Variants in COA5 observed in about 807,000 individuals in gnomAD.
The protein encoded by COA5 is protein C2orf64.
COA5 carries 11 observed loss-of-function variants against 11.8 expected under a neutral mutation model. The ratio of observed to expected loss-of-function variants is 0.93; its 90% CI spans 0.59 to 1.54. The LOEUF (loss-of-function observed/expected upper bound fraction) is 1.54, where lower values mean the gene tolerates loss of function less well. COA5 is among the 40% of genes most tolerant of loss of function. COA5 has a pLI of 0.00. For synonymous variants in COA5, 38 were observed against 37.5 expected (o/e 1.01, Z -0.05); for missense variants, 87 against 89.2 (o/e 0.97, Z 0.10).
intron 2 of COA5, among the ~76,000 whole-genome samples, chr2:98,601,995 T>C (rs893841077): frequency 6.6e-6 from 1 of 152,038 alleles, no homozygotes; most frequent in African/African-American, 2.4e-5. Context: ...CACTATTCTA[T>C]AGGAAGGAAT....
At chr2:98,605,036 T>C (rs866946235) in intron 1 of COA5, among the ~76,000 whole-genome samples, 1 of 152,230 alleles carries the variant, frequency 6.6e-6, no homozygotes, top group Non-Finnish European at 1.5e-5. Context: ...AGCTGATGCC[T>C]CTTCAAACTG....
chr2:98,607,511 T>C (rs754993533), intron 1 of COA5, among the ~76,000 whole-genome samples: 10 of 152,194 alleles, frequency 6.6e-5, no homozygotes, highest in Non-Finnish European at 1.2e-4. Flanking sequence ...TGGATGTCCA[T>C]TTGGGGGTAA....
chr2:98,604,430 T>C lies in COA5; in HGVS notation c.100-239A>G, dbSNP rs17034163. The C allele has an allele frequency of 8.0e-3, 3,967 of 497,100 alleles. 137 individuals carry two copies. The highest frequency in any genetic ancestry group is 0.068 in the African/African-American group (3,523 of 51,708). 30.8% of individuals were successfully genotyped at this position (497,100 alleles called of 1,614,324 possible). On this transcript the variant is annotated intron_variant, in intron 1 of 2. Transcript: ENST00000328709. ...AATTCTTGAAAACACTGGTTTCTAT[T>C]GGATACTTTTCCTTAAACTGTTTAT...
chr2:98,605,174 C>T (rs559107514), intron 1 of COA5, among the ~76,000 whole-genome samples: 1 of 152,334 alleles, frequency 6.6e-6, no homozygotes, highest in Admixed American at 6.5e-5. Flanking sequence ...AAATAACAGA[C>T]TGCTAGCTGT....
intron 2 of COA5, among the ~76,000 whole-genome samples, chr2:98,603,153 A>T (rs1332054089): frequency 6.6e-6 from 1 of 152,182 alleles, no homozygotes; most frequent in Non-Finnish European, 1.5e-5. Context: ...ACAAAAAGGA[A>T]GGGATTTGCA....
At chr2:98,603,479 C>CAAACAAA (rs573581244) in intron 2 of COA5, among the ~76,000 whole-genome samples, 2 of 151,262 alleles carry the variant, frequency 1.3e-5, no homozygotes, top group Admixed American at 6.6e-5. Context: ...GACTCCGTCT[C>CAAACAAA]AAACAAAAAA....
intron 2 of COA5, among the ~76,000 whole-genome samples, chr2:98,602,983 A>T (rs969703471): frequency 6.6e-6 from 1 of 152,232 alleles, no homozygotes; most frequent in Admixed American, 6.5e-5. Flanking sequence ...ACACTGAATG[A>T]CAGGAAAAGA....
Position 98,608,414 on chromosome 2 carries a change from T to G in COA5, c.-9A>C, listed in dbSNP as rs770059171. 1.3e-6 allele frequency: 2 copies of G among 1,586,474 alleles called. No individual in the cohort carries two copies. The highest frequency in any genetic ancestry group is 8.6e-7 in the Non-Finnish European group (1 of 1,167,844). On this transcript the variant is annotated 5_prime_UTR_variant, in exon 1 of 3. Transcript: ENST00000328709. ...TCATAATACTTAGGCATGACGGCGC[T>G]TCCCCTCCGATGCGGACGCGACTTT... is the stretch of plus-strand genomic sequence containing the variant.
intron 1 of COA5, among the ~76,000 whole-genome samples, chr2:98,604,955 T>C (rs1700688680): frequency 1.3e-5 from 2 of 152,340 alleles, no homozygotes; most frequent in South Asian, 4.1e-4. Context: ...TGGGATGTGT[T>C]GCCCACATGA....
At chr2:98,606,618 G>T (rs17034202) in intron 1 of COA5, among the ~76,000 whole-genome samples, 1 of 152,162 alleles carries the variant, frequency 6.6e-6, no homozygotes. Context: ...CTGGCGCTCC[G>T]TACATGTTTG....
chr2:98,606,834 T>C (rs1301697199), intron 1 of COA5, among the ~76,000 whole-genome samples: 3 of 152,180 alleles, frequency 2.0e-5, no homozygotes, highest in African/African-American at 7.2e-5. Flanking sequence ...GGCTGCAACC[T>C]TCCCCTCAGG....
Position 98,600,672 on chromosome 2 carries a change from A to G in COA5, c.*80T>C, listed in dbSNP as rs1575223479. On this transcript the variant is annotated 3_prime_UTR_variant, in exon 3 of 3. Transcript: ENST00000328709. ...CAACCAAACAGATGTAGTAAAAAGT[A>G]TGTTTCCTGTTTTGGCTTCTTTGTG... 4.1e-6 allele frequency: 5 copies of G among 1,231,506 alleles called. No individual in the cohort carries two copies. In the East Asian group the frequency reaches 1.2e-4, roughly 30 times the overall value. The allele number at this position is 1,231,506 out of a possible 1,614,324, so 76.3% of individuals were successfully genotyped here. A position where few individuals can be genotyped will look rare whatever the true frequency, so the allele number is the denominator to read the frequency against.
In COA5 at chr2:98,600,643, G is replaced by T. The variant is rs561996390; in HGVS notation, c.*109C>A. On this transcript the variant is annotated 3_prime_UTR_variant, in exon 3 of 3. Coordinates refer to ENST00000328709, the MANE Select transcript of COA5 (RefSeq NM_001008215.3). Reference sequence around the variant, plus strand: ...TCAGTGTTCCACGGAGGGGAAATCTGGTCCAACCAAACAGATGTAGTAAAA... The same window carrying T: ...TCAGTGTTCCACGGAGGGGAAATCTTGTCCAACCAAACAGATGTAGTAAAA... The T allele has an allele frequency of 5.5e-6, 5 of 912,276 alleles. No individual in the cohort carries two copies. The Admixed American group carries it at 6.0e-5, about 11-fold the overall frequency. The allele number at this position is 912,276 out of a possible 1,614,324, so 56.5% of individuals were successfully genotyped here.
Position 98,602,209 on chromosome 2 carries a change from C to T in COA5, c.184-1416G>A, listed in dbSNP as rs78429992. ...TCACCTTCAATAAGATGCACACTCACTTTAATAGCATACAAAATTACCCAC... is the reference window on the plus strand; with the variant it reads ...TCACCTTCAATAAGATGCACACTCATTTTAATAGCATACAAAATTACCCAC... On this transcript the variant is annotated intron_variant, in intron 2 of 2. Transcript: ENST00000328709. Among the ~76,000 whole-genome samples, 667 of 152,346 alleles carry T rather than the reference C, an allele frequency of 4.4e-3. 2 individuals are homozygous for T. Among genetic ancestry groups the T allele is most frequent in the Non-Finnish European group, 8.0e-3 (542 of 68,040 alleles).
chr2:98,600,629 C>T lies in COA5; in HGVS notation c.*123G>A, dbSNP rs1700628423. On this transcript the variant is annotated 3_prime_UTR_variant, in exon 3 of 3. Coordinates refer to ENST00000328709, the MANE Select transcript of COA5 (RefSeq NM_001008215.3). The stretch of plus-strand genomic sequence containing the variant: ...CTCATCCACTTTCTTCAGTGTTCCA[C>T]GGAGGGGAAATCTGGTCCAACCAAA... The T allele has an allele frequency of 8.8e-6, 7 of 792,530 alleles. 1 individual carries two copies. The highest frequency in any genetic ancestry group is 4.4e-5 in the South Asian group (3 of 68,510). 49.1% of individuals were successfully genotyped at this position (792,530 alleles called of 1,614,324 possible).
At chr2:98,607,952 A>G (rs948050070) in intron 1 of COA5, among the ~76,000 whole-genome samples, 2 of 152,224 alleles carry the variant, frequency 1.3e-5, no homozygotes, top group African/African-American at 4.8e-5. Flanking sequence ...AACTCTCTGG[A>G]ATCATTAATT....
intron 1 of COA5, among the ~76,000 whole-genome samples, chr2:98,607,561 C>T (rs1700725213): frequency 3.9e-5 from 6 of 152,176 alleles, no homozygotes; most frequent in Admixed American, 3.3e-4. Flanking sequence ...GAAACTACAT[C>T]CCCCAATGCA....
At chr2:98,605,080 A>G (rs1418220317) in intron 1 of COA5, among the ~76,000 whole-genome samples, 2 of 152,190 alleles carry the variant, frequency 1.3e-5, no homozygotes, top group Non-Finnish European at 2.9e-5. Context: ...AAAGCTTTCA[A>G]CCTATATTGT....
rs866608151 is a variant in COA5, at chr2:98,608,467, C to T, written c.-62G>A. ...CCCACCGCAACACTTGCAACCGGGT[C>T]GGGAGCGAGCGAGGCCCCAGTCTCA... On this transcript the variant is annotated 5_prime_UTR_variant, in exon 1 of 3. Transcript: ENST00000328709. 1.1e-5 allele frequency: 15 copies of T among 1,312,230 alleles called. No homozygotes were observed. The highest frequency in any genetic ancestry group is 1.5e-5 in the Non-Finnish European group (14 of 938,358). 81.3% of individuals were successfully genotyped at this position (1,312,230 alleles called of 1,614,324 possible).
Sources: gnomAD v4.1 joint callset for allele counts (sites outside exome capture counted in the v4.1 genomes callset) on GRCh38, gnomAD v4.1.1 for gene constraint, MANE v1.5 for transcripts, NCBI Gene and HGNC (gene_info 2026-07-23, HGNC 2026-07-21) for gene names.